Variants in ARAP2 observed in about 807,000 individuals in gnomAD.
The protein encoded by ARAP2 is ArfGAP with RhoGAP domain, ankyrin repeat and PH domain 2, also known as arf-GAP with Rho-GAP domain, ANK repeat and PH domain-containing protein 2.
Under a neutral mutation model 194.5 loss-of-function variants are expected in ARAP2, and 148 were observed. The ratio of observed to expected loss-of-function variants is 0.76; its 90% CI spans 0.67 to 0.87. The LOEUF (loss-of-function observed/expected upper bound fraction) is 0.87. Among genes scored for constraint, ARAP2 ranks in the 40% least tolerant of loss-of-function variants. The pLI is 0.00. For missense variants in ARAP2, 2,128 were observed against 1,989.7 expected, an observed-to-expected ratio of 1.07 and a Z score of -1.32; for synonymous variants, 695 against 683.5, an observed-to-expected ratio of 1.02 and a Z score of -0.26.
At chr4:36,145,573 C>T (rs1267469670) in intron 19 of ARAP2, among the ~76,000 whole-genome samples, 1 of 151,900 alleles carries the variant, frequency 6.6e-6, no homozygotes, top group Non-Finnish European at 1.5e-5. Flanking sequence ...CTATTGGGTG[C>T]TACGGTCACT....
At chr4:36,127,250 A>AG (rs1724162118) in intron 21 of ARAP2, among the ~76,000 whole-genome samples, 1 of 152,076 alleles carries the variant, frequency 6.6e-6, no homozygotes, top group African/African-American at 2.4e-5. Context: ...AACAAAAATG[A>AG]GGGGTGCAAG....
At chr4:36,086,006 G>A (rs1306430693) in intron 28 of ARAP2, among the ~76,000 whole-genome samples, 1 of 151,992 alleles carries the variant, frequency 6.6e-6, no homozygotes, top group African/African-American at 2.4e-5. Context: ...TTGTAAGGTA[G>A]TAAGTGCCCA....
intron 21 of ARAP2, among the ~76,000 whole-genome samples, chr4:36,128,066 T>C (rs1439436073): frequency 6.6e-6 from 1 of 152,018 alleles, no homozygotes; most frequent in Admixed American, 6.6e-5. Flanking sequence ...AGATGGAATC[T>C]AGAATAAATG....
At chr4:36,157,410 C>T (rs927173160) in intron 15 of ARAP2, 16 of 151,094 alleles carry the variant, frequency 1.1e-4, no homozygotes, top group Admixed American at 4.0e-4. Context: ...TAAAATCTGA[C>T]ATTTATTATT....
intron 1 of ARAP2, among the ~76,000 whole-genome samples, chr4:36,241,858 T>C (rs148169538): frequency 1.3e-3 from 193 of 152,260 alleles, no homozygotes; most frequent in African/African-American, 4.2e-3. Flanking sequence ...CTAAAAAATC[T>C]CAAATCTGCC....
chr4:36,167,176 C>G (rs1467990012), intron 9 of ARAP2, 129 bp from the exon 10 acceptor site: 7 of 601,774 alleles, frequency 1.2e-5, no homozygotes, highest in Non-Finnish European at 2.0e-5. Flanking sequence ...CTTTAGGTAG[C>G]CACTCTCAAT....
chr4:36,123,690 T>A (rs1161742248), intron 22 of ARAP2, among the ~76,000 whole-genome samples: 1 of 151,762 alleles, frequency 6.6e-6, no homozygotes, highest in Non-Finnish European at 1.5e-5. Context: ...AACAATACCA[T>A]CATAGGGATT....
At chr4:36,047,015 A>G (rs1189708853) in intron 3 of ARAP2, 3 of 152,240 alleles carry the variant, frequency 2.0e-5, no homozygotes, top group Admixed American at 1.3e-4. Context: ...GATCCCATCC[A>G]TGTTTGCTGC....
At chr4:36,243,094 T>C (rs1271343036) in intron 1 of ARAP2, among the ~76,000 whole-genome samples, 3 of 148,172 alleles carry the variant, frequency 2.0e-5, no homozygotes, top group Non-Finnish European at 4.5e-5. Flanking sequence ...AAATAAGAGT[T>C]AAAAAAAAAA....
At chr4:36,205,996 T>C (rs998151445) in intron 6 of ARAP2, among the ~76,000 whole-genome samples, 3 of 152,240 alleles carry the variant, frequency 2.0e-5, no homozygotes, top group Non-Finnish European at 4.4e-5. Context: ...GGATTCACTT[T>C]TAAGATCAAC....
At chr4:36,034,414 G>T (rs556503832) in intron 5 of ARAP2, among the ~76,000 whole-genome samples, 40 of 152,128 alleles carry the variant, frequency 2.6e-4, no homozygotes, top group Non-Finnish European at 5.6e-4. Context: ...TATTGTGAAT[G>T]GGATTGCCTT....
chr4:36,233,753 C>T (rs77320834), intron 1 of ARAP2, among the ~76,000 whole-genome samples: 1,898 of 152,346 alleles, frequency 0.012, 10 homozygotes, highest in Non-Finnish European at 0.019. Flanking sequence ...CTAGCACGTA[C>T]TGATGCTTAG....
chr4:36,179,635 C>T (rs1244261279), intron 8 of ARAP2, among the ~76,000 whole-genome samples: 1 of 152,148 alleles, frequency 6.6e-6, no homozygotes. Flanking sequence ...GGAAATAAAG[C>T]AAAACATACT....
intron 15 of ARAP2, among the ~76,000 whole-genome samples, chr4:36,153,908 C>T (rs1017079733): frequency 4.6e-5 from 7 of 152,134 alleles, no homozygotes. Context: ...TTATGTTGTT[C>T]CCCTTCCTTG....
intron 7 of ARAP2, among the ~76,000 whole-genome samples, chr4:36,189,741 T>G (rs1741438779): frequency 1.3e-5 from 2 of 152,166 alleles, no homozygotes; most frequent in Non-Finnish European, 2.9e-5. Flanking sequence ...TAATCTAAAA[T>G]TTCTCTCTTC....
intron 5 of ARAP2, among the ~76,000 whole-genome samples, chr4:36,020,940 T>C (rs1716828979): frequency 6.6e-6 from 1 of 152,140 alleles, no homozygotes; most frequent in African/African-American, 2.4e-5. Flanking sequence ...AAAACTTAAT[T>C]ACTAATTAGA....
chr4:36,113,812 T>C (rs945712657), intron 26 of ARAP2, among the ~76,000 whole-genome samples: 1 of 151,954 alleles, frequency 6.6e-6, no homozygotes, highest in African/African-American at 2.4e-5. Context: ...TTATTTTATA[T>C]AATAAACAAT....
intron 2 of ARAP2, among the ~76,000 whole-genome samples, chr4:36,220,756 A>G (rs938915332): frequency 2.0e-5 from 3 of 152,084 alleles, no homozygotes; most frequent in Admixed American, 1.3e-4. Flanking sequence ...AAAAATGCTT[A>G]TAGAACGAGG....
intron 9 of ARAP2, among the ~76,000 whole-genome samples, chr4:36,177,269 T>A (rs905594540): frequency 6.6e-6 from 1 of 152,128 alleles, no homozygotes; most frequent in South Asian, 2.1e-4. Flanking sequence ...TTTATGTAGA[T>A]GTGCGTGTAT....
Sources: allele counts gnomAD v4.1 joint callset (sites outside exome capture counted in the v4.1 genomes callset), GRCh38; gene constraint gnomAD v4.1.1; transcripts MANE v1.5; gene names NCBI Gene and HGNC (gene_info 2026-07-23, HGNC 2026-07-21).